CRTC1: variants seen among roughly 807,000 people sequenced by gnomAD.
The protein encoded by CRTC1 is CREB regulated transcription coactivator 1, also known as CREB-regulated transcription coactivator 1.
In CRTC1, 18 loss-of-function variants were observed where a neutral mutation model predicts 66.1. The observed-to-expected ratio is 0.27, with a 90% CI of 0.19 to 0.40. The LOEUF is 0.40. CRTC1 is among the 10% of genes least tolerant of loss of function. The probability of loss-of-function intolerance (pLI) is 1.00; values close to 1 mark genes in which losing one functional copy is unlikely to be tolerated. For missense variants in CRTC1, 669 were observed against 887.9 expected (o/e 0.75, Z 3.13); for synonymous variants, 416 against 398.8 (o/e 1.04, Z -0.51).
At chr19:18,762,996 C>T (rs1331466862) in intron 8 of CRTC1, among the ~76,000 whole-genome samples, 3 of 152,250 alleles carry the variant, frequency 2.0e-5, no homozygotes, top group Admixed American at 6.5e-5. Flanking sequence ...ACCACATAAT[C>T]GGCAGTGGCC....
At chr19:18,759,825 C>T (rs1041392347) in intron 7 of CRTC1, among the ~76,000 whole-genome samples, 183 bp from the exon 8 acceptor site, 1 of 152,114 alleles carries the variant, frequency 6.6e-6, no homozygotes, top group African/African-American at 2.4e-5. Flanking sequence ...ACCGTCCTCA[C>T]CGGGTGATAG....
chr19:18,737,115 G>A (rs895341334), intron 1 of CRTC1, among the ~76,000 whole-genome samples: 6 of 152,116 alleles, frequency 3.9e-5, no homozygotes, highest in South Asian at 2.1e-4. Context: ...GGGCAGGGGC[G>A]TAGACTTAGC....
intron 10 of CRTC1, among the ~76,000 whole-genome samples, chr19:18,769,723 A>G (rs927310368): frequency 3.2e-4 from 48 of 152,266 alleles, no homozygotes; most frequent in Admixed American, 1.4e-3. Context: ...TTGGAGTCAC[A>G]GGGTGTCTGG....
intron 1 of CRTC1, among the ~76,000 whole-genome samples, chr19:18,715,000 T>A (rs1251008066): frequency 1.3e-5 from 2 of 152,222 alleles, no homozygotes; most frequent in African/African-American, 4.8e-5. Context: ...CCACTACAAA[T>A]GACCACAAAA....
intron 6 of CRTC1, 80 bp downstream of exon 6, chr19:18,753,665 C>A: frequency 9.3e-7 from 1 of 1,069,732 alleles, no homozygotes; most frequent in Non-Finnish European, 1.4e-6. Context: ...GACAAAATGG[C>A]AGGTTGGGGT....
intron 2 of CRTC1, 101 bp from the exon 3 acceptor site, chr19:18,745,722 T>TG: frequency 1.4e-6 from 2 of 1,474,948 alleles, no homozygotes; most frequent in Non-Finnish European, 9.4e-7. Flanking sequence ...TGCTCCAGAG[T>TG]GGGGGGCCCT....
rs542473715 is a variant in CRTC1, at chr19:18,775,900, C to T, written c.1693+79C>T. 63 of 1,423,382 alleles carry T rather than the reference C, an allele frequency of 4.4e-5. 1 individual carries two copies. Among genetic ancestry groups the T allele is most frequent in the Admixed American group, 3.6e-4 (14 of 39,228 alleles). The allele number at this position is 1,423,382 out of a possible 1,614,324, so 88.2% of individuals were successfully genotyped here. On this transcript the variant is annotated intron_variant, in intron 13 of 13. Transcript: ENST00000321949. The stretch of plus-strand genomic sequence containing the variant: ...CGGAGACAGCCAGAGACTGCTGTCC[C>T]GCAGCAGGAGGGTTGACAGGGCCGG...
chr19:18,690,958 A>C (rs1019817843), intron 1 of CRTC1, among the ~76,000 whole-genome samples: 1 of 151,054 alleles, frequency 6.6e-6, no homozygotes, highest in South Asian at 2.1e-4. Context: ...CCTGGGAGGC[A>C]GAGCTTGCAG....
At position 18,782,237 on chromosome 19, in the gene CRTC1, C is replaced by T. The variant is rs935284090; in HGVS notation, c.*4855C>T. The T allele has an allele frequency of 4.0e-5, 9 of 225,356 alleles. No individual in the cohort carries two copies. Among genetic ancestry groups the T allele is most frequent in the Admixed American group, 1.7e-4 (3 of 17,952 alleles). The allele number at this position is 225,356 out of a possible 1,614,324, so 14.0% of individuals were successfully genotyped here. ...GGGGGCAGGCGGCTCAGGGCACACT[C>T]GGCCGTCCCTGCCCCATCCTCTGGC... On this transcript the variant is annotated 3_prime_UTR_variant, in exon 14 of 14. Coordinates refer to ENST00000321949, the MANE Select transcript of CRTC1 (RefSeq NM_015321.3).
intron 11 of CRTC1, among the ~76,000 whole-genome samples, chr19:18,773,152 G>T (rs1490203524): frequency 6.6e-6 from 1 of 152,124 alleles, no homozygotes; most frequent in African/African-American, 2.4e-5. Flanking sequence ...GAGGCAGGCG[G>T]CTCATGGAGG....
intron 5 of CRTC1, among the ~76,000 whole-genome samples, chr19:18,752,278 G>C (rs1395039965): frequency 1.3e-5 from 2 of 152,116 alleles, no homozygotes; most frequent in Non-Finnish European, 2.9e-5. Flanking sequence ...TCTTCTGTGG[G>C]AAGCAGAATC....
At chr19:18,699,430 G>A (rs1490884337) in intron 1 of CRTC1, among the ~76,000 whole-genome samples, 1 of 152,218 alleles carries the variant, frequency 6.6e-6, no homozygotes. Context: ...GGGTAGGATG[G>A]CCCTGGGGCT....
chr19:18,775,421 CTCATCCAT>C (rs1158201195), intron 12 of CRTC1, among the ~76,000 whole-genome samples: 19 of 152,328 alleles, frequency 1.2e-4, no homozygotes, highest in South Asian at 4.1e-4. Flanking sequence ...CACTCATTTG[CTCATCCAT>C]TCATCCATTC....
At chr19:18,690,984 C>G (rs2052817007) in intron 1 of CRTC1, among the ~76,000 whole-genome samples, 1 of 149,970 alleles carries the variant, frequency 6.7e-6, no homozygotes, top group Non-Finnish European at 1.5e-5. Flanking sequence ...CGAGATCACG[C>G]CACTACGCTC....
Position 18,771,634 on chromosome 19 carries a change from A to G in CRTC1, c.1425+88A>G, listed in dbSNP as rs1433486664. 1.0e-6 allele frequency: 1 copy of G among 993,694 alleles called. No homozygotes were observed. The highest frequency in any genetic ancestry group is 2.6e-5 in the East Asian group (1 of 38,048). The allele number at this position is 993,694 out of a possible 1,614,324, so 61.6% of individuals were successfully genotyped here. ...TGTTCCCTGCCCACTGTCTGTCCTCATGCATCGCTCCTCATGCATGTCCTC... is the reference window on the plus strand; with the variant it reads ...TGTTCCCTGCCCACTGTCTGTCCTCGTGCATCGCTCCTCATGCATGTCCTC... On this transcript the variant is annotated intron_variant, in intron 11 of 13. Coordinates refer to ENST00000321949, the MANE Select transcript of CRTC1 (RefSeq NM_015321.3). This position sits in a 1 kb window ranked among gnomAD's most constrained non-coding sequence, Gnocchi z 4.6.
chr19:18,719,235 G>A (rs73537951), intron 1 of CRTC1, among the ~76,000 whole-genome samples: 5,030 of 152,282 alleles, frequency 0.033, 300 homozygotes, highest in African/African-American at 0.11. Flanking sequence ...TCCCTGCATC[G>A]TGTGTGTCTG....
Position 18,759,552 on chromosome 19 carries a change from C to T in CRTC1, c.626C>T (p.Thr209Met), listed in dbSNP as rs549228957. 1.6e-5 allele frequency: 25 copies of T among 1,612,744 alleles called. No homozygotes were observed. The highest frequency in any genetic ancestry group is 1.5e-4 in the African/African-American group (11 of 74,990). The change falls in exon 7 of 14, where the codon ACG becomes ATG. Residue 209 changes from threonine to methionine, a missense_variant and splice_region_variant. Coordinates refer to ENST00000321949, the MANE Select transcript of CRTC1 (RefSeq NM_015321.3). The part of the protein sequence containing the change: ...LSKQAWDTKK[T>M]GSRPKSCEVP... ...AGGCTCTCCTGTCTTCTCTTTCAGA[C>T]GGGGTCCAGGCCCAAGTCCTGTGAG...
intron 1 of CRTC1, among the ~76,000 whole-genome samples, chr19:18,711,879 C>T (rs1299380048): frequency 6.6e-6 from 1 of 152,200 alleles, no homozygotes; most frequent in Non-Finnish European, 1.5e-5. Flanking sequence ...CTGCCAGAAC[C>T]TTGGGTATAC....
At chr19:18,744,245 TCCCCAAGCGGCCG>T (rs2054179195) in intron 2 of CRTC1, 2 of 1,319,908 alleles carry the variant, frequency 1.5e-6, no homozygotes, top group African/African-American at 3.0e-5. Flanking sequence ...ATCCCTGAGC[TCCCCAAGCGGCCG>T]CCCCTGCGGC....
Sources: gnomAD v4.1 joint callset for allele counts (sites outside exome capture counted in the v4.1 genomes callset) on GRCh38, gnomAD v4.1.1 for gene constraint, Gnocchi (gnomAD v3.1) non-coding constraint, MANE v1.5 for transcripts, NCBI Gene and HGNC (gene_info 2026-07-23, HGNC 2026-07-21) for gene names.